The following LRRCC1 variants were observed in gnomAD, a reference collection of about 807,000 sequenced individuals.
LRRCC1 encodes leucine-rich repeat and coiled-coil domain-containing protein 1.
LRRCC1 carries 115 observed loss-of-function variants against 126.0 expected under a neutral mutation model. That is an observed-to-expected ratio of 0.91 (90% confidence interval 0.78 to 1.07). LRRCC1 has a LOEUF of 1.07. Ranked by LOEUF, LRRCC1 falls within the 50% of genes least tolerant of loss-of-function variation. The pLI is 0.00. For missense variants in LRRCC1, 1,172 were observed against 1,175.7 expected, an observed-to-expected ratio of 1.00 and a Z score of 0.05; for synonymous variants, 400 against 393.4, an observed-to-expected ratio of 1.02 and a Z score of -0.20.
chr8:85,120,989 A>C (rs1809509597), intron 6 of LRRCC1, among the ~76,000 whole-genome samples: 1 of 152,208 alleles, frequency 6.6e-6, no homozygotes. Flanking sequence ...GCTGGGTCAT[A>C]TGTTTAACCT....
rs549238575 is a variant in LRRCC1, at chr8:85,113,566, A to ATG, written c.544+478_544+479dup. Among the ~76,000 whole-genome samples the ATG allele has an allele frequency of 4.0e-4, 61 of 152,034 alleles. No individual in the cohort carries two copies. The South Asian group carries it at 7.5e-3, about 19-fold the overall frequency. On this transcript the variant is annotated intron_variant, in intron 4 of 18. Coordinates refer to ENST00000360375, the MANE Select transcript of LRRCC1 (RefSeq NM_033402.5). ...TACATACATATATATGTATGCACGC[A>ATG]TGTGTGTGTGTGCTCAGTATATACA...
intron 11 of LRRCC1, 92 bp from the exon 12 acceptor site, chr8:85,131,668 A>G: frequency 1.1e-6 from 1 of 939,334 alleles, no homozygotes; most frequent in South Asian, 1.8e-5. Flanking sequence ...AACAATACTG[A>G]ATATAGAATA....
intron 18 of LRRCC1, among the ~76,000 whole-genome samples, chr8:85,144,197 T>C (rs541398076): frequency 6.6e-6 from 1 of 152,126 alleles, no homozygotes; most frequent in Non-Finnish European, 1.5e-5. Context: ...ACATTAAAGA[T>C]AGGGTTTCTT....
Position 85,124,680 on chromosome 8 carries a change from TTA to T in LRRCC1, c.1125-111_1125-110del, listed in dbSNP as rs1587401387. 3 of 579,920 alleles carry T rather than the reference TTA, an allele frequency of 5.2e-6. No homozygotes were observed. The East Asian group carries it at 9.6e-5, about 19-fold the overall frequency. The allele number at this position is 579,920 out of a possible 1,614,324, so 35.9% of individuals were successfully genotyped here. ...GTTTGTCCAAGTTACTATAATTTTA[TTA>T]ATATTCTTTTTAAAAAGCTGTTTGC... is the stretch of plus-strand genomic sequence containing the variant. On this transcript the variant is annotated intron_variant, in intron 7 of 18. Coordinates refer to ENST00000360375, the MANE Select transcript of LRRCC1 (RefSeq NM_033402.5).
chr8:85,138,512 A>G, intron 17 of LRRCC1, 37 bp downstream of exon 17: 1 of 1,576,582 alleles, frequency 6.3e-7, no homozygotes, highest in Non-Finnish European at 8.6e-7. Context: ...AGATCTCCTT[A>G]ATCGTAAACA....
intron 9 of LRRCC1, among the ~76,000 whole-genome samples, chr8:85,128,010 T>C (rs1810145199): frequency 6.6e-6 from 1 of 152,214 alleles, no homozygotes; most frequent in Non-Finnish European, 1.5e-5. Context: ...AGAGATCTTG[T>C]GACTGAGTCA....
Position 85,135,833 on chromosome 8 carries a change from G to A in LRRCC1, c.2199G>A (p.Gln733=), listed in dbSNP as rs767631976. 1.3e-6 allele frequency: 2 copies of A among 1,590,962 alleles called. No individual in the cohort carries two copies. Among genetic ancestry groups the A allele is most frequent in the African/African-American group, 2.7e-5 (2 of 73,814 alleles). The stretch of plus-strand genomic sequence containing the variant: ...AAATTTTAATTGAAGATGACAAGCA[G>A]AAGAGTATTCAAATAGAACTTCTCA... ...TLEILIEDDK[Q]KSIQIELLKH... is the part of the protein sequence containing the mutation. The change falls in exon 14 of 19, where the codon CAG becomes CAA. Residue 733 remains glutamine, a synonymous_variant. Coordinates refer to ENST00000360375, the MANE Select transcript of LRRCC1 (RefSeq NM_033402.5).
At chr8:85,126,243 C>T (rs759277507) in intron 8 of LRRCC1, among the ~76,000 whole-genome samples, 10 of 152,236 alleles carry the variant, frequency 6.6e-5, no homozygotes, top group Middle Eastern at 3.4e-3. Context: ...CTGCACTTAC[C>T]TACATGCTTT....
At chr8:85,127,277 C>A (rs944822320) in intron 9 of LRRCC1, among the ~76,000 whole-genome samples, 1 of 150,524 alleles carries the variant, frequency 6.6e-6, no homozygotes, top group African/African-American at 2.4e-5. Flanking sequence ...CTCACCATTA[C>A]GTCTCCCATT....
rs895921730 is a variant in LRRCC1 at position 85,145,635 on chromosome 8, A to G, written c.*124A>G. On this transcript the variant is annotated 3_prime_UTR_variant, in exon 19 of 19. Coordinates refer to ENST00000360375, the MANE Select transcript of LRRCC1 (RefSeq NM_033402.5). Reference sequence around the variant, plus strand: ...TCTTTCTATACATTTCATTATGAATATATTTTTAAAGACTTTTGATCAAGT... The same window carrying G: ...TCTTTCTATACATTTCATTATGAATGTATTTTTAAAGACTTTTGATCAAGT... 2.7e-6 allele frequency: 2 copies of G among 727,776 alleles called. No homozygotes were observed. Among genetic ancestry groups the G allele is most frequent in the Non-Finnish European group, 2.0e-6 (1 of 489,708 alleles). The allele number at this position is 727,776 out of a possible 1,614,324, so 45.1% of individuals were successfully genotyped here. A position where few individuals can be genotyped will look rare whatever the true frequency, so the allele number is the denominator to read the frequency against.
intron 3 of LRRCC1, among the ~76,000 whole-genome samples, chr8:85,110,847 A>G (rs1808654780): frequency 2.0e-5 from 3 of 152,218 alleles, no homozygotes; most frequent in Non-Finnish European, 4.4e-5. Context: ...GACTATTCCT[A>G]GAATTATCTG....
At chr8:85,135,457 T>G (rs1810783434) in intron 13 of LRRCC1, among the ~76,000 whole-genome samples, 1 of 152,168 alleles carries the variant, frequency 6.6e-6, no homozygotes. Flanking sequence ...TTTTAAACAT[T>G]AATGCTATTT....
intron 2 of LRRCC1, 22 bp from the exon 3 acceptor site, chr8:85,110,093 T>C: frequency 9.7e-7 from 1 of 1,027,010 alleles, no homozygotes; most frequent in Middle Eastern, 2.9e-4. Context: ...AGGCTTTATT[T>C]TATTTTACTT....
chr8:85,121,602 C>G (rs921986905), intron 6 of LRRCC1, among the ~76,000 whole-genome samples: 22 of 152,046 alleles, frequency 1.4e-4, no homozygotes, highest in Non-Finnish European at 3.1e-4. Context: ...CCACCACGCC[C>G]AGCTAATTTT....
chr8:85,115,431 A>G lies in LRRCC1; in HGVS notation c.777A>G (p.Glu259=), dbSNP rs768325015. The G allele has an allele frequency of 1.2e-4, 191 of 1,613,746 alleles. No homozygotes were observed. The highest frequency in any genetic ancestry group is 1.5e-4 in the Non-Finnish European group (181 of 1,179,798). The part of the protein sequence containing the change: ...TAPIDELVPL[E]QFASTPSDAV... Reference sequence around the variant, plus strand: ...CTATCGATGAGTTAGTTCCCTTGGAACAGTTTGCAAGTACACCAAGTGATG... The same window carrying G: ...CTATCGATGAGTTAGTTCCCTTGGAGCAGTTTGCAAGTACACCAAGTGATG... Residue 259 remains glutamate (E), a synonymous_variant, in exon 6 of 19, where the codon GAA becomes GAG. Transcript: ENST00000360375.
At position 85,115,482 on chromosome 8, in the gene LRRCC1, G is replaced by A; in HGVS notation, c.828G>A (p.Val276=). 1.2e-6 allele frequency: 2 copies of A among 1,613,634 alleles called. No homozygotes were observed. Among genetic ancestry groups the A allele is most frequent in the Non-Finnish European group, 1.7e-6 (2 of 1,179,676 alleles). Residue 276 remains valine (V), a synonymous_variant, in exon 6 of 19, where the codon GTG becomes GTA. Transcript: ENST00000360375. ...CTGTGTTGACGTCTTTTATGTCTGT[G>A]TGTCAATCTTCTGAGCCAGAGAAAA... ...SDAVLTSFMS[V]CQSSEPEKNN...
In LRRCC1 at chr8:85,131,286, G is replaced by T. The variant is rs558613089; in HGVS notation, c.1767-474G>T. ...GGAAATAATGGGTTTCACATTATGAGTTTGAGTAATGCAAGAAAAGTAGTG... is the reference window on the plus strand; with the variant it reads ...GGAAATAATGGGTTTCACATTATGATTTTGAGTAATGCAAGAAAAGTAGTG... On this transcript the variant is annotated intron_variant, in intron 11 of 18. Coordinates refer to ENST00000360375, the MANE Select transcript of LRRCC1 (RefSeq NM_033402.5). Among the ~76,000 whole-genome samples, 22 of 152,270 alleles carry T rather than the reference G, an allele frequency of 1.4e-4. No individual in the cohort carries two copies. In the South Asian group the frequency reaches 2.7e-3, roughly 19 times the overall value.
At chr8:85,109,473 G>C (rs1296341911) in intron 1 of LRRCC1, 122 bp from the exon 2 acceptor site, 2 of 600,158 alleles carry the variant, frequency 3.3e-6, no homozygotes, top group Admixed American at 3.4e-5. Context: ...ACCACAAATA[G>C]GAAAGATTTC....
chr8:85,139,426 A>G (rs1424025255), intron 17 of LRRCC1, among the ~76,000 whole-genome samples: 2 of 152,028 alleles, frequency 1.3e-5, no homozygotes, highest in African/African-American at 4.8e-5. Context: ...CACAACGCCC[A>G]GCTAATTTTT....
Sources: allele counts gnomAD v4.1 joint callset (sites outside exome capture counted in the v4.1 genomes callset), GRCh38; gene constraint gnomAD v4.1.1; transcripts MANE v1.5; gene names NCBI Gene and HGNC (gene_info 2026-07-23, HGNC 2026-07-21).